The following XKR4 variants were observed in gnomAD, a reference collection of about 807,000 sequenced individuals.
The protein encoded by XKR4 is XK related 4.
Under a neutral mutation model 53.9 loss-of-function variants are expected in XKR4, and 12 were observed. The observed-to-expected ratio is 0.22, with a 90% CI of 0.14 to 0.36. The LOEUF (loss-of-function observed/expected upper bound fraction) is 0.36, where lower values mean the gene tolerates loss of function less well. XKR4 is among the 10% of genes least tolerant of loss of function. The pLI is 1.00. For missense variants in XKR4, 799 were observed against 859.5 expected (o/e 0.93, Z 0.88); for synonymous variants, 354 against 362.4 (o/e 0.98, Z 0.26).
chr8:55,482,104 T>G (rs1341606502), intron 2 of XKR4, among the ~76,000 whole-genome samples: 2 of 152,188 alleles, frequency 1.3e-5, no homozygotes, highest in African/African-American at 4.8e-5. Flanking sequence ...CACGTATGTT[T>G]ATTGCGGCAC....
intron 2 of XKR4, among the ~76,000 whole-genome samples, chr8:55,433,750 G>C (rs1272801915): frequency 1.3e-5 from 2 of 152,244 alleles, no homozygotes; most frequent in African/African-American, 2.4e-5. Context: ...TGCAGAGCAA[G>C]AATCTAGTTC....
chr8:55,307,141 G>A (rs183423858), intron 1 of XKR4, among the ~76,000 whole-genome samples: 1 of 152,188 alleles, frequency 6.6e-6, no homozygotes, highest in Non-Finnish European at 1.5e-5. Context: ...TTGATAAATT[G>A]GACTACATCA....
intron 2 of XKR4, among the ~76,000 whole-genome samples, chr8:55,365,015 A>T (rs1803955840): frequency 6.6e-6 from 1 of 152,262 alleles, no homozygotes. Context: ...TATTATTAAT[A>T]GATAAACTGA....
chr8:55,535,695 C>T lies in XKR4; in HGVS notation c.*11468C>T, dbSNP rs1349289057. The T allele has an allele frequency of 6.6e-6, 1 of 152,184 alleles. No homozygotes were observed. Among genetic ancestry groups the T allele is most frequent in the Admixed American group, 6.5e-5 (1 of 15,272 alleles). 9.4% of individuals were successfully genotyped at this position (152,184 alleles called of 1,614,324 possible). ...ATGAAGAGAAAACCTGTCAGTGGCTCATCCATAGTATTTGCCTTTTCACAG... is the reference window on the plus strand; with the variant it reads ...ATGAAGAGAAAACCTGTCAGTGGCTTATCCATAGTATTTGCCTTTTCACAG... On this transcript the variant is annotated 3_prime_UTR_variant, in exon 3 of 3. Transcript: ENST00000327381.
intron 2 of XKR4, among the ~76,000 whole-genome samples, chr8:55,358,115 C>G (rs1803846519): frequency 6.6e-6 from 1 of 152,108 alleles, no homozygotes; most frequent in African/African-American, 2.4e-5. Flanking sequence ...AAAAAAAAAT[C>G]TTTATGATTT....
At chr8:55,258,387 T>C (rs56942435) in intron 1 of XKR4, among the ~76,000 whole-genome samples, 3,369 of 152,262 alleles carry the variant, frequency 0.022, 134 homozygotes, top group African/African-American at 0.076. Context: ...CTTGGGTTCA[T>C]CTATAAATTG....
intron 2 of XKR4, among the ~76,000 whole-genome samples, chr8:55,369,406 GA>G (rs1804039573): frequency 1.3e-5 from 1 of 77,352 alleles, no homozygotes; most frequent in Non-Finnish European, 2.3e-5. Context: ...GGAGGGGAGG[GA>G]AAGGAAGGGA....
At chr8:55,126,518 G>A (rs1182058347) in intron 1 of XKR4, among the ~76,000 whole-genome samples, 2 of 152,200 alleles carry the variant, frequency 1.3e-5, no homozygotes, top group Non-Finnish European at 2.9e-5. Flanking sequence ...ACCAGCTGGA[G>A]TGGATGCAAA....
intron 1 of XKR4, among the ~76,000 whole-genome samples, chr8:55,342,796 C>T (rs1355912232): frequency 6.6e-6 from 1 of 152,180 alleles, no homozygotes; most frequent in East Asian, 1.9e-4. Flanking sequence ...ACTTTCCTTC[C>T]TGTCTTACTT....
intron 1 of XKR4, among the ~76,000 whole-genome samples, chr8:55,148,173 A>G (rs1816795192): frequency 6.6e-6 from 1 of 152,224 alleles, no homozygotes; most frequent in African/African-American, 2.4e-5. Context: ...TCACAAAGGC[A>G]TATAGCTTCC....
At chr8:55,315,907 T>C (rs895892168) in intron 1 of XKR4, among the ~76,000 whole-genome samples, 3 of 152,174 alleles carry the variant, frequency 2.0e-5, no homozygotes, top group African/African-American at 7.2e-5. Context: ...AAAAATTGTA[T>C]GGACCCTCAT....
rs77307480 is a variant in XKR4 at position 55,150,633 on chromosome 8, C to G, written c.806+47339C>G. Among the ~76,000 whole-genome samples the G allele has an allele frequency of 2.3e-3, 354 of 152,294 alleles. 10 individuals are homozygous for G. In the East Asian group the frequency reaches 0.052, roughly 22 times the overall value. ...TTTTTCTGCTCAGCAAACTCCTCCT[C>G]ACCCTGGAAAATCCAGTTCAGATGT... On this transcript the variant is annotated intron_variant, in intron 1 of 2. Coordinates refer to ENST00000327381, the MANE Select transcript of XKR4 (RefSeq NM_052898.2).
chr8:55,440,383 G>C (rs947462426), intron 2 of XKR4, among the ~76,000 whole-genome samples: 1 of 152,070 alleles, frequency 6.6e-6, no homozygotes, highest in African/African-American at 2.4e-5. Flanking sequence ...GTCTAATTTA[G>C]GGAGAGTTAG....
intron 2 of XKR4, among the ~76,000 whole-genome samples, chr8:55,493,425 A>G (rs1269975885): frequency 6.6e-6 from 1 of 152,236 alleles, no homozygotes; most frequent in East Asian, 1.9e-4. Flanking sequence ...TGCCTCTGCC[A>G]TAAGCAGGGT....
chr8:55,335,984 G>A (rs1199497195), intron 1 of XKR4, among the ~76,000 whole-genome samples: 1 of 147,390 alleles, frequency 6.8e-6, no homozygotes, highest in African/African-American at 2.5e-5. Context: ...CATCCTAACT[G>A]CAGTGTTAGT....
At chr8:55,476,737 A>G (rs2939662) in intron 2 of XKR4, among the ~76,000 whole-genome samples, 62,499 of 151,954 alleles carry the variant, frequency 0.41, 13,477 homozygotes, top group East Asian at 0.53. Flanking sequence ...ACACACCAGG[A>G]GATTATATCC....
At chr8:55,374,711 A>G (rs1804121547) in intron 2 of XKR4, among the ~76,000 whole-genome samples, 1 of 152,206 alleles carries the variant, frequency 6.6e-6, no homozygotes, top group Non-Finnish European at 1.5e-5. Flanking sequence ...AGCTGAAAAG[A>G]GCCTGATGGG....
intron 1 of XKR4, among the ~76,000 whole-genome samples, chr8:55,250,938 CT>C (rs1265058301): frequency 1.3e-5 from 2 of 152,174 alleles, no homozygotes; most frequent in African/African-American, 4.8e-5. Context: ...ATAATTCATC[CT>C]TATCTATGGG....
At chr8:55,209,100 C>T (rs1438778313) in intron 1 of XKR4, among the ~76,000 whole-genome samples, 2 of 152,160 alleles carry the variant, frequency 1.3e-5, no homozygotes, top group Non-Finnish European at 2.9e-5. Context: ...GAATAACCGG[C>T]TGAGTAGCTG....
Sources: allele counts gnomAD v4.1 joint callset (sites outside exome capture counted in the v4.1 genomes callset), GRCh38; gene constraint gnomAD v4.1.1; transcripts MANE v1.5; gene names NCBI Gene and HGNC (gene_info 2026-07-23, HGNC 2026-07-21).